EPHB1: variants seen among roughly 807,000 people sequenced by gnomAD.
EPHB1 encodes EPH receptor B1.
Under a neutral mutation model 94.4 loss-of-function variants are expected in EPHB1, and 30 were observed. That is an observed-to-expected ratio of 0.32 (90% CI 0.24 to 0.43). EPHB1 has a LOEUF of 0.43. Ranked by LOEUF, EPHB1 falls within the 20% of genes least tolerant of loss-of-function variation. The pLI is 1.00. For synonymous variants in EPHB1, 522 were observed against 489.1 expected (o/e 1.07, Z -0.89); for missense variants, 1,055 against 1,308.3 (o/e 0.81, Z 2.99).
chr3:134,872,208 G>A (rs188580791), intron 1 of EPHB1, among the ~76,000 whole-genome samples: 1 of 152,328 alleles, frequency 6.6e-6, no homozygotes, highest in Admixed American at 6.5e-5. Context: ...CCGGGTAACT[G>A]TTTTGCCTCT....
chr3:135,034,682 G>T (rs555842717), intron 3 of EPHB1, among the ~76,000 whole-genome samples: 2 of 152,374 alleles, frequency 1.3e-5, no homozygotes, highest in African/African-American at 4.8e-5. Flanking sequence ...ATGTGGCTGT[G>T]CCTGGGGTGC....
At chr3:135,155,787 CAAAAAAAAAA>C (rs35095229) in intron 6 of EPHB1, among the ~76,000 whole-genome samples, 3 of 59,476 alleles carry the variant, frequency 5.0e-5, no homozygotes, top group Admixed American at 2.2e-4. Flanking sequence ...AAGACTTTGT[CAAAAAAAAAA>C]AAAAAAAAAA....
At chr3:135,114,724 G>GATAAATAA (rs1485305225) in intron 4 of EPHB1, among the ~76,000 whole-genome samples, 75 of 60,696 alleles carry the variant, frequency 1.2e-3, no homozygotes, top group African/African-American at 3.6e-3. Context: ...CTCTGTCTCA[G>GATAAATAA]ATAGATAAAT....
intron 3 of EPHB1, among the ~76,000 whole-genome samples, chr3:135,096,313 G>A (rs539369377): frequency 6.6e-6 from 1 of 152,350 alleles, no homozygotes; most frequent in South Asian, 2.1e-4. Context: ...CACACAGCTA[G>A]AACGTGGAAG....
intron 11 of EPHB1, among the ~76,000 whole-genome samples, chr3:135,201,160 TG>T (rs1040706668): frequency 1.3e-5 from 2 of 151,776 alleles, no homozygotes; most frequent in African/African-American, 4.8e-5. Flanking sequence ...GAGAATGGAT[TG>T]GGGGGCGGGC....
chr3:134,883,283 G>A (rs2037798262), intron 1 of EPHB1, among the ~76,000 whole-genome samples: 1 of 152,198 alleles, frequency 6.6e-6, no homozygotes, highest in Admixed American at 6.5e-5. Context: ...GAAGAAATGA[G>A]GACAGTCTGA....
At chr3:135,047,295 CAGA>C (rs1283983637) in intron 3 of EPHB1, among the ~76,000 whole-genome samples, 1 of 152,184 alleles carries the variant, frequency 6.6e-6, no homozygotes, top group Non-Finnish European at 1.5e-5. Context: ...GCTGGGGAAA[CAGA>C]AGGTGAGAAA....
chr3:135,254,803 C>T (rs1381906985), intron 15 of EPHB1, among the ~76,000 whole-genome samples: 3 of 152,164 alleles, frequency 2.0e-5, no homozygotes, highest in African/African-American at 7.2e-5. Flanking sequence ...ACCAATTCCT[C>T]CTTGTACCTC....
intron 1 of EPHB1, among the ~76,000 whole-genome samples, chr3:134,894,917 G>A (rs918494278): frequency 2.0e-5 from 3 of 152,148 alleles, no homozygotes; most frequent in African/African-American, 7.2e-5. Context: ...TGGGAATGAA[G>A]TACTGTGGCT....
chr3:135,087,507 T>G (rs758440700), intron 3 of EPHB1, among the ~76,000 whole-genome samples: 51 of 152,294 alleles, frequency 3.3e-4, no homozygotes, highest in Non-Finnish European at 6.8e-4. Context: ...TGCATGTGGT[T>G]TCCTTGGCAT....
intron 11 of EPHB1, among the ~76,000 whole-genome samples, chr3:135,197,518 C>T (rs1386691243): frequency 1.3e-5 from 2 of 152,102 alleles, no homozygotes; most frequent in Non-Finnish European, 2.9e-5. Context: ...TTGAAAGGTC[C>T]CTTTCAGTTA....
At chr3:134,946,055 A>G (rs1042678219) in intron 2 of EPHB1, among the ~76,000 whole-genome samples, 19 of 152,096 alleles carry the variant, frequency 1.2e-4, no homozygotes, top group African/African-American at 4.6e-4. Context: ...CAGGGGACAC[A>G]TGGCCCCTTG....
intron 3 of EPHB1, among the ~76,000 whole-genome samples, chr3:135,007,061 G>A (rs978061394): frequency 6.6e-6 from 1 of 152,156 alleles, no homozygotes; most frequent in African/African-American, 2.4e-5. Flanking sequence ...GAGCAGCCTA[G>A]AGGCAAAAGG....
chr3:135,151,572 C>T (rs994619724), intron 5 of EPHB1, among the ~76,000 whole-genome samples: 12 of 152,214 alleles, frequency 7.9e-5, no homozygotes, highest in African/African-American at 2.4e-4. Flanking sequence ...CTGCTGAATC[C>T]CCCCACTAGA....
In EPHB1 at chr3:135,137,391, G is replaced by A. The variant is rs200980669; in HGVS notation, c.1297+4342G>A. ...GATTAGAAAATTTTAAAGCACTTGA[G>A]AGCCAAAGAAATCCAATTCTGGATT... On this transcript the variant is annotated intron_variant, in intron 5 of 15. Transcript: ENST00000398015. Among the ~76,000 whole-genome samples, 7 of 152,270 alleles carry A rather than the reference G, an allele frequency of 4.6e-5. No individual in the cohort carries two copies. The East Asian group carries it at 1.2e-3, about 25-fold the overall frequency.
In EPHB1 at chr3:135,204,168, A is replaced by T. The variant is rs190658293; in HGVS notation, c.2346+2479A>T. Among the ~76,000 whole-genome samples, 540 of 151,006 alleles carry T rather than the reference A, an allele frequency of 3.6e-3. 2 individuals are homozygous for T. The highest frequency in any genetic ancestry group is 0.012 in the African/African-American group (515 of 41,232). The stretch of plus-strand genomic sequence containing the variant: ...CCTTTGTGTTACATACAATCCAATT[A>T]TACCCTTTTAGTTATCTTAATTAAT... On this transcript the variant is annotated intron_variant, in intron 12 of 15. Coordinates refer to ENST00000398015, the MANE Select transcript of EPHB1 (RefSeq NM_004441.5).
At chr3:135,121,075 T>A (rs6777555) in intron 4 of EPHB1, among the ~76,000 whole-genome samples, 5,002 of 152,206 alleles carry the variant, frequency 0.033, 269 homozygotes, top group African/African-American at 0.11. Context: ...ACCTTAGAAG[T>A]CCCATACCCT....
chr3:135,234,869 A>T (rs145231332), intron 12 of EPHB1, among the ~76,000 whole-genome samples: 1 of 152,282 alleles, frequency 6.6e-6, no homozygotes, highest in East Asian at 1.9e-4. Context: ...TCCTTCATAC[A>T]ATAAGTGGGG....
rs543539245 is a variant in EPHB1, at chr3:134,989,668, G to A, written c.805+37616G>A. 5.3e-5 allele frequency among the ~76,000 whole-genome samples: 8 copies of A among 152,064 alleles called. No homozygotes were observed. The East Asian group carries it at 1.2e-3, about 22-fold the overall frequency. ...ACTAATTTTAGAAAGATGTGATCACGGTAATCTTTAACACATTAATTTAAT... is the reference window on the plus strand; with the variant it reads ...ACTAATTTTAGAAAGATGTGATCACAGTAATCTTTAACACATTAATTTAAT... On this transcript the variant is annotated intron_variant, in intron 3 of 15. Coordinates refer to ENST00000398015, the MANE Select transcript of EPHB1 (RefSeq NM_004441.5).
Sources: gnomAD v4.1 joint callset for allele counts (sites outside exome capture counted in the v4.1 genomes callset) on GRCh38, gnomAD v4.1.1 for gene constraint, MANE v1.5 for transcripts, NCBI Gene and HGNC (gene_info 2026-07-23, HGNC 2026-07-21) for gene names.